PKHD1: variants seen among roughly 807,000 people sequenced by gnomAD.
PKHD1 encodes the protein fibrocystin.
Under a neutral mutation model 412.0 loss-of-function variants are expected in PKHD1, and 291 were observed. The ratio of observed to expected loss-of-function variants is 0.71; its 90% CI spans 0.64 to 0.78. The LOEUF (loss-of-function observed/expected upper bound fraction) is 0.78, where lower values mean the gene tolerates loss of function less well. PKHD1 is among the 30% of genes least tolerant of loss of function. The probability of loss-of-function intolerance (pLI) is 0.00; values close to 1 mark genes in which losing one functional copy is unlikely to be tolerated. For missense variants in PKHD1, 4,825 were observed against 4,950.7 expected (o/e 0.97, Z 0.76); for synonymous variants, 1,777 against 1,821.5 (o/e 0.98, Z 0.62).
At chr6:51,892,778 C>A (rs1384420478) in intron 43 of PKHD1, among the ~76,000 whole-genome samples, 1 of 152,140 alleles carries the variant, frequency 6.6e-6, no homozygotes, top group African/African-American at 2.4e-5. Flanking sequence ...ATTAAAAAAA[C>A]ATTTATTAGC....
intron 60 of PKHD1, among the ~76,000 whole-genome samples, chr6:51,724,830 A>G (rs1422697095): frequency 2.6e-5 from 4 of 152,242 alleles, no homozygotes; most frequent in African/African-American, 9.6e-5. Flanking sequence ...ATTTGACTAC[A>G]GTAAACGAGA....
chr6:51,661,312 GA>G (rs972625061), intron 60 of PKHD1, among the ~76,000 whole-genome samples: 2 of 152,046 alleles, frequency 1.3e-5, no homozygotes, highest in Admixed American at 1.3e-4. Context: ...GATATAGAAA[GA>G]ATCTCACAAT....
At chr6:51,746,927 T>C (rs781366382) in intron 58 of PKHD1, 38 bp from the exon 59 acceptor site, 3 of 1,205,562 alleles carry the variant, frequency 2.5e-6, no homozygotes, top group Non-Finnish European at 2.4e-6. Context: ...TATTATATCA[T>C]ATAAACCACC....
chr6:52,076,044 TTTTTC>T (rs1257221639), intron 6 of PKHD1, among the ~76,000 whole-genome samples: 1 of 152,204 alleles, frequency 6.6e-6, no homozygotes, highest in African/African-American at 2.4e-5. Context: ...TGCTGTCCTC[TTTTTC>T]TTTTCATGTT....
chr6:51,753,492 T>C, intron 56 of PKHD1, 139 bp from the exon 57 acceptor site: 1 of 728,136 alleles, frequency 1.4e-6, no homozygotes, highest in Non-Finnish European at 2.4e-6. Flanking sequence ...CTGCTTTTCC[T>C]GGGGCATTCT....
Position 52,026,190 on chromosome 6 carries a change from T to G in PKHD1, c.3629-9A>C. The stretch of plus-strand genomic sequence containing the variant: ...GCTGAGGATGGTCCCTCCTAAAGTA[T>G]GAATACGGAAAGCAAAATATTATAG... On this transcript the variant is annotated splice_polypyrimidine_tract_variant and intron_variant, in intron 31 of 66. Coordinates refer to ENST00000371117, the MANE Select transcript of PKHD1 (RefSeq NM_138694.4). 6.2e-7 allele frequency: 1 copy of G among 1,613,220 alleles called. No homozygotes were observed. The highest frequency in any genetic ancestry group is 1.1e-5 in the South Asian group (1 of 91,070).
intron 60 of PKHD1, among the ~76,000 whole-genome samples, chr6:51,716,144 T>C (rs1258304874): frequency 6.6e-6 from 1 of 152,236 alleles, no homozygotes; most frequent in Non-Finnish European, 1.5e-5. Context: ...ATTGTACTTG[T>C]AGTGTTTGAA....
chr6:52,086,308 A>C (rs1812785111), intron 1 of PKHD1, among the ~76,000 whole-genome samples: 1 of 151,728 alleles, frequency 6.6e-6, no homozygotes, highest in African/African-American at 2.4e-5. Flanking sequence ...ACAGGTTTTC[A>C]CCATGATAGC....
At chr6:52,011,812 C>G (rs1292009886) in intron 34 of PKHD1, among the ~76,000 whole-genome samples, 2 of 152,184 alleles carry the variant, frequency 1.3e-5, no homozygotes, top group Admixed American at 6.6e-5. Context: ...GTCCTTTAGA[C>G]CTAATAATGT....
In PKHD1 at chr6:52,028,332, A is replaced by G; in HGVS notation, c.3384T>C (p.Ile1128=). The G allele has an allele frequency of 6.2e-7, 1 of 1,613,828 alleles. No homozygotes were observed. The change falls in exon 30 of 67, where the codon ATT becomes ATC. Residue 1128 remains isoleucine (I), a synonymous_variant. Coordinates refer to ENST00000371117, the MANE Select transcript of PKHD1 (RefSeq NM_138694.4). ...SNIAGGETLV[I]GVARLMNYTD... ...TATAGTTCATCAGCCTCGCCACTCC[A>G]ATGACCAGGGTCTCACCGCCTGTGT...
At chr6:52,053,401 CCA>C in intron 20 of PKHD1, 150 bp from the exon 21 acceptor site, 1 of 752,718 alleles carries the variant, frequency 1.3e-6, no homozygotes, top group Non-Finnish European at 2.3e-6. Context: ...GTCCTGGGTG[CCA>C]AGGCTACAAA....
chr6:52,043,021 T>C lies in PKHD1; in HGVS notation c.2935A>G (p.Thr979Ala), dbSNP rs1805172866. ...TSCKVIFSNQ[T>A]NVVCQTDLLP... Reference sequence around the variant, plus strand: ...AAATCTGTCTGACAGACTACATTGGTCTGGTTTGAGAAAATAACTTTGCAA... The same window carrying C: ...AAATCTGTCTGACAGACTACATTGGCCTGGTTTGAGAAAATAACTTTGCAA... The change falls in exon 27 of 67, where the codon ACC (threonine) becomes GCC (alanine). Residue 979 changes from threonine to alanine, a missense_variant. Coordinates refer to ENST00000371117, the MANE Select transcript of PKHD1 (RefSeq NM_138694.4). 6.2e-7 allele frequency: 1 copy of C among 1,614,110 alleles called. No individual in the cohort carries two copies. Among genetic ancestry groups the C allele is most frequent in the Non-Finnish European group, 8.5e-7 (1 of 1,179,952 alleles).
At chr6:51,766,400 T>C (rs1582556346) in intron 55 of PKHD1, among the ~76,000 whole-genome samples, 2 of 152,252 alleles carry the variant, frequency 1.3e-5, no homozygotes, top group African/African-American at 4.8e-5. Flanking sequence ...TTAATTCCCA[T>C]GTGAATGTGA....
intron 29 of PKHD1, 121 bp from the exon 30 acceptor site, chr6:52,028,472 A>G: frequency 1.1e-6 from 1 of 917,372 alleles, no homozygotes; most frequent in Non-Finnish European, 1.7e-6. Context: ...TAATACTCTT[A>G]AGAGTTACGA....
At position 52,058,463 on chromosome 6, in the gene PKHD1, G is replaced by A. The variant is rs868353159; in HGVS notation, c.1372C>T (p.His458Tyr). The A allele has an allele frequency of 1.9e-6, 3 of 1,614,180 alleles. No homozygotes were observed. In the African/African-American group the frequency reaches 4.0e-5, roughly 22 times the overall value. The stretch of plus-strand genomic sequence containing the variant: ...CCCCTGCTTGGGGCTATCCCATGAT[G>A]CTCTGCTTCCAGGTAGTACATGGCT... ...GGAMYYLEAE[H>Y]HGIAPSRGMR... The change falls in exon 16 of 67, where the codon CAT becomes TAT. Residue 458 changes from histidine (H) to tyrosine (Y), a missense_variant. Physicochemically the swap from His to Tyr is moderately conservative, Grantham distance 83 (BLOSUM62 2). Transcript: ENST00000371117.
intron 66 of PKHD1, among the ~76,000 whole-genome samples, chr6:51,625,840 G>T (rs936211565): frequency 6.6e-6 from 1 of 152,014 alleles, no homozygotes; most frequent in Non-Finnish European, 1.5e-5. Context: ...GCAATAATAT[G>T]GTCAAGAGGC....
chr6:51,743,983 C>T (rs1002665789), intron 60 of PKHD1, among the ~76,000 whole-genome samples: 3 of 152,076 alleles, frequency 2.0e-5, no homozygotes, highest in East Asian at 3.9e-4. Context: ...ATTGAGAGAG[C>T]GCTTTAAGTC....
At chr6:51,847,697 A>C (rs1176251624) in intron 50 of PKHD1, 78 bp downstream of exon 50, 8 of 1,064,284 alleles carry the variant, frequency 7.5e-6, no homozygotes, top group Non-Finnish European at 1.0e-5. Context: ...ACTTCACAGC[A>C]CAAATGTCTG....
intron 60 of PKHD1, among the ~76,000 whole-genome samples, chr6:51,661,343 A>C (rs1772835222): frequency 1.3e-5 from 2 of 152,094 alleles, no homozygotes; most frequent in Non-Finnish European, 2.9e-5. Context: ...CCATAATAGA[A>C]ATAGGGTATA....
Sources: allele counts gnomAD v4.1 joint callset (sites outside exome capture counted in the v4.1 genomes callset), GRCh38; gene constraint gnomAD v4.1.1; transcripts MANE v1.5; gene names NCBI Gene and HGNC (gene_info 2026-07-23, HGNC 2026-07-21).